The following IQCN variants were observed in gnomAD, a reference collection of about 807,000 sequenced individuals.
IQCN encodes IQ motif containing N, also known as IQ domain-containing protein N.
IQCN carries 46 observed loss-of-function variants against 64.4 expected under a neutral mutation model. The observed-to-expected ratio is 0.71, with a 90% CI of 0.56 to 0.91. The LOEUF is 0.91. Among genes scored for constraint, IQCN ranks in the 40% least tolerant of loss-of-function variants. The pLI is 0.00. For missense variants in IQCN, 1,753 were observed against 1,857.4 expected (o/e 0.94, Z 1.03); for synonymous variants, 733 against 775.6 (o/e 0.95, Z 0.91).
Position 18,264,586 on chromosome 19 carries a change from A to G in IQCN, c.2954T>C (p.Val985Ala), listed in dbSNP as rs773234007. 54 of 1,551,064 alleles carry G rather than the reference A, an allele frequency of 3.5e-5. No individual in the cohort carries two copies. Among genetic ancestry groups the G allele is most frequent in the Non-Finnish European group, 4.4e-5 (50 of 1,146,908 alleles). Residue 985 changes from valine (V) to alanine (A), a missense_variant, in exon 3 of 4, where the codon GTG becomes GCG. Transcript: ENST00000392413. The surrounding 1 kb of genome is among the most constrained non-coding windows in gnomAD (Gnocchi z 4.3). ...LSKALTEEEW[V>A]ALSQALCQGE... The stretch of plus-strand genomic sequence containing the variant: ...CTGACACAGGGCCTGGCTCAGAGCC[A>G]CCCACTCCTCCTCCGTCAAAGCCTT...
Position 18,257,403 on chromosome 19 carries a change from G to T in IQCN, c.3881C>A (p.Pro1294His). 1.9e-6 allele frequency: 3 copies of T among 1,610,718 alleles called. No individual in the cohort carries two copies. The highest frequency in any genetic ancestry group is 2.5e-6 in the Non-Finnish European group (3 of 1,179,560). The change falls in exon 4 of 4, where the codon CCC becomes CAC. Residue 1294 changes from proline to histidine, a missense_variant. Transcript: ENST00000392413. Reference sequence around the variant, plus strand: ...TTTGTCCTGGCGATGCGGCTGCCTGGGACTCAGGGCAGCCAGCTGGTAGGC... The same window carrying T: ...TTTGTCCTGGCGATGCGGCTGCCTGTGACTCAGGGCAGCCAGCTGGTAGGC... ...ASAYQLAALS[P>H]RQPHRQDKAA...
Position 18,266,718 on chromosome 19 carries a change from T to C in IQCN, c.822A>G (p.Ile274Met), listed in dbSNP as rs761817032. Residue 274 changes from isoleucine to methionine, a missense_variant, in exon 3 of 4, where the codon ATA (isoleucine) becomes ATG (methionine). Physicochemically the swap from Ile to Met is conservative, Grantham distance 10 (BLOSUM62 1). Coordinates refer to ENST00000392413, the MANE Select transcript of IQCN (RefSeq NM_001145304.2). This position sits in a 1 kb window ranked among gnomAD's most constrained non-coding sequence, Gnocchi z 4.3. Reference protein sequence around the residue: ...RTIRSTCLVHIEGDSVKTKRV... With the variant: ...RTIRSTCLVHMEGDSVKTKRV... ...GTTTGGTCTTCACTGAGTCACCCTC[T>C]ATGTGGACGAGGCAGGTGCTTCTGA... 9.3e-6 allele frequency: 15 copies of C among 1,614,026 alleles called. No homozygotes were observed. Among genetic ancestry groups the C allele is most frequent in the Non-Finnish European group, 1.2e-5 (14 of 1,180,032 alleles).
chr19:18,266,651 G>A lies in IQCN; in HGVS notation c.889C>T (p.Pro297Ser), dbSNP rs767028555. The stretch of plus-strand genomic sequence containing the variant: ...GCCTGGTCATACCTTCTGGACAATG[G>A]TGTCTCCGGAGCCCTGGCTTTGTTG... ...RTNKARAPET[P>S]LSRRYDQAVT... The change falls in exon 3 of 4, where the codon CCA becomes TCA. Residue 297 changes from proline to serine, a missense_variant. Transcript: ENST00000392413. This position sits in a 1 kb window ranked among gnomAD's most constrained non-coding sequence, Gnocchi z 4.3. 2 of 1,614,078 alleles carry A rather than the reference G, an allele frequency of 1.2e-6. No homozygotes were observed.
intron 1 of IQCN, among the ~76,000 whole-genome samples, chr19:18,270,313 A>T (rs1356505404): frequency 6.7e-6 from 1 of 150,280 alleles, no homozygotes; most frequent in Non-Finnish European, 1.5e-5. Context: ...GTGAGCTGAG[A>T]TCGTGCCATT....
chr19:18,265,460 C>G lies in IQCN; in HGVS notation c.2080G>C (p.Gly694Arg), dbSNP rs1969539505. The change falls in exon 3 of 4, where the codon GGA (glycine) becomes CGA (arginine). Residue 694 changes from glycine (G) to arginine (R), a missense_variant. Physicochemically the swap from Gly to Arg is moderately radical, Grantham distance 125. Transcript: ENST00000392413. The surrounding 1 kb of genome is among the most constrained non-coding windows in gnomAD (Gnocchi z 4.7). Reference sequence around the variant, plus strand: ...TTGGTCAGCTCAGTGGGCAGATGTCCCTGAGATGAGGCCTTGGTCAGCGGG... The same window carrying G: ...TTGGTCAGCTCAGTGGGCAGATGTCGCTGAGATGAGGCCTTGGTCAGCGGG... ...AAPLTKASSQGHLPTELTKTP... is the reference protein window; with the variant it reads ...AAPLTKASSQRHLPTELTKTP... The G allele has an allele frequency of 1.2e-6, 2 of 1,613,600 alleles. No homozygotes were observed. The highest frequency in any genetic ancestry group is 1.7e-6 in the Non-Finnish European group (2 of 1,179,640).
At position 18,264,560 on chromosome 19, in the gene IQCN, C is replaced by G. The variant is rs772077598; in HGVS notation, c.2980G>C (p.Gly994Arg). The change falls in exon 3 of 4, where the codon GGT becomes CGT. Residue 994 changes from glycine (G) to arginine (R), a missense_variant. By Grantham distance (125) the Gly-to-Arg change is moderately radical. Transcript: ENST00000392413. The surrounding 1 kb of genome is among the most constrained non-coding windows in gnomAD (Gnocchi z 4.3). ...WVALSQALCQ[G>R]ELGALLSQSW... ...TGGCTCAGGAGAGCACCCAGCTCAC[C>G]CTGACACAGGGCCTGGCTCAGAGCC... 1 of 1,551,410 alleles carries G rather than the reference C, an allele frequency of 6.4e-7. No homozygotes were observed. The highest frequency in any genetic ancestry group is 1.2e-5 in the South Asian group (1 of 84,052).
At chr19:18,262,486 C>T (rs1322599453) in intron 3 of IQCN, 1 of 152,596 alleles carries the variant, frequency 6.6e-6, no homozygotes, top group African/African-American at 2.4e-5. Flanking sequence ...TCCCCACTGT[C>T]CATAGATGGC....
At chr19:18,261,718 A>T (rs1969431731) in intron 3 of IQCN, 1 of 151,812 alleles carries the variant, frequency 6.6e-6, no homozygotes, top group African/African-American at 2.5e-5. Context: ...ACAGATGGGT[A>T]GGCTGAGCTT....
In IQCN at chr19:18,265,092, G is replaced by A. The variant is rs2148101947; in HGVS notation, c.2448C>T (p.Thr816=). The change falls in exon 3 of 4, where the codon ACC becomes ACT. Residue 816 remains threonine, a synonymous_variant. Transcript: ENST00000392413. This position sits in a 1 kb window ranked among gnomAD's most constrained non-coding sequence, Gnocchi z 4.7. ...CTGCCGGGCATGGTCCCCCCTGAGT[G>A]GTCTTCCCCGGCACGTGTCCGTGGG... The part of the protein sequence containing the change: ...PQPHGHVPGK[T]TQGGPCPAAC... 2 of 1,602,180 alleles carry A rather than the reference G, an allele frequency of 1.2e-6. No individual in the cohort carries two copies. Among genetic ancestry groups the A allele is most frequent in the Middle Eastern group, 1.6e-4 (1 of 6,062 alleles).
Position 18,269,533 on chromosome 19 carries a change from G to A in IQCN, c.-55C>T. On this transcript the variant is annotated 5_prime_UTR_variant, in exon 2 of 4. Coordinates refer to ENST00000392413, the MANE Select transcript of IQCN (RefSeq NM_001145304.2). Reference sequence around the variant, plus strand: ...TGCAATCTCAGAAGCCAGCCTGCAAGAGGAGGCAGCCTTCAGCCTTTCATC... The same window carrying A: ...TGCAATCTCAGAAGCCAGCCTGCAAAAGGAGGCAGCCTTCAGCCTTTCATC... 2 of 1,602,384 alleles carry A rather than the reference G, an allele frequency of 1.2e-6. No homozygotes were observed. Among genetic ancestry groups the A allele is most frequent in the Non-Finnish European group, 1.7e-6 (2 of 1,170,066 alleles).
chr19:18,271,587 C>T (rs1299888506), intron 1 of IQCN, among the ~76,000 whole-genome samples: 1 of 152,062 alleles, frequency 6.6e-6, no homozygotes, highest in Non-Finnish European at 1.5e-5. Flanking sequence ...AGTATGGTCC[C>T]GCCTAACAAG....
chr19:18,265,883 T>G lies in IQCN; in HGVS notation c.1657A>C (p.Lys553Gln). 1.2e-6 allele frequency: 2 copies of G among 1,614,066 alleles called. No individual in the cohort carries two copies. Among genetic ancestry groups the G allele is most frequent in the Non-Finnish European group, 8.5e-7 (1 of 1,179,996 alleles). ...TTCACATTCACGGTGGCCTTGGCCT[T>G]GGGTGGGTTCTCATGGATGGAGCCT... The part of the protein sequence containing the change: ...TSGSIHENPP[K>Q]AKATVNVKQA... Residue 553 changes from lysine (K) to glutamine (Q), a missense_variant, in exon 3 of 4, where the codon AAG (lysine) becomes CAG (glutamine). By Grantham distance (53) the Lys-to-Gln change is moderately conservative. Coordinates refer to ENST00000392413, the MANE Select transcript of IQCN (RefSeq NM_001145304.2). The surrounding 1 kb of genome is among the most constrained non-coding windows in gnomAD (Gnocchi z 4.7).
intron 1 of IQCN, among the ~76,000 whole-genome samples, chr19:18,271,617 G>T (rs1007205966): frequency 6.6e-6 from 1 of 152,088 alleles, no homozygotes; most frequent in Non-Finnish European, 1.5e-5. Flanking sequence ...ATAATTGCTG[G>T]ATCGGCCAAG....
intron 3 of IQCN, chr19:18,261,309 C>T (rs984116556): frequency 1.8e-4 from 28 of 152,864 alleles, no homozygotes; most frequent in African/African-American, 2.2e-4. Context: ...TGGAGACTCC[C>T]GAATGGCCAT....
rs777536671 is a variant in IQCN at position 18,266,391 on chromosome 19, C to T, written c.1149G>A (p.Pro383=). ...GTGCAGTTTTGGTCACTGTGGGCCC[C>T]GGATACATCTGGGCTGGGGTCTTGA... The part of the protein sequence containing the change: ...TIIKTPAQMY[P]GPTVTKTAPH... Residue 383 remains proline, a synonymous_variant, in exon 3 of 4, where the codon CCG becomes CCA. Transcript: ENST00000392413. This position sits in a 1 kb window ranked among gnomAD's most constrained non-coding sequence, Gnocchi z 4.3. 4.1e-5 allele frequency: 66 copies of T among 1,603,716 alleles called. No individual in the cohort carries two copies. Among genetic ancestry groups the T allele is most frequent in the Non-Finnish European group, 4.8e-5 (57 of 1,175,390 alleles).
rs986422479 is a variant in IQCN, at chr19:18,264,098, G to A, written c.3177+265C>T. 5.3e-5 allele frequency among the ~76,000 whole-genome samples: 8 copies of A among 152,272 alleles called. No individual in the cohort carries two copies. Among genetic ancestry groups the A allele is most frequent in the African/African-American group, 1.9e-4 (8 of 41,560 alleles). On this transcript the variant is annotated intron_variant, in intron 3 of 3. Coordinates refer to ENST00000392413, the MANE Select transcript of IQCN (RefSeq NM_001145304.2). The surrounding 1 kb of genome is among the most constrained non-coding windows in gnomAD (Gnocchi z 4.3). The stretch of plus-strand genomic sequence containing the variant: ...GGGTCGGGCATGCTTCTTCCTTTTG[G>A]AACTTGGGGCTCAAATCCAGGTTTG...
chr19:18,271,097 G>A (rs1040492087), intron 1 of IQCN, among the ~76,000 whole-genome samples: 1 of 148,476 alleles, frequency 6.7e-6, no homozygotes, highest in African/African-American at 2.5e-5. Context: ...ACTTGAACCC[G>A]AGAGATGGAG....
chr19:18,270,898 G>T (rs966068065), intron 1 of IQCN, among the ~76,000 whole-genome samples: 1 of 151,896 alleles, frequency 6.6e-6, no homozygotes, highest in African/African-American at 2.4e-5. Flanking sequence ...GGGAGGCCAG[G>T]CATGGTGGCT....
At position 18,264,276 on chromosome 19, in the gene IQCN, G is replaced by T; in HGVS notation, c.3177+87C>A. The stretch of plus-strand genomic sequence containing the variant: ...TAAGCAGGGTGACCCCCACAAGATG[G>T]CCCCATCAATCCCCCATCTCCTCCA... On this transcript the variant is annotated intron_variant, in intron 3 of 3. Transcript: ENST00000392413. The surrounding 1 kb of genome is among the most constrained non-coding windows in gnomAD (Gnocchi z 4.3). 1 of 1,164,328 alleles carries T rather than the reference G, an allele frequency of 8.6e-7. No individual in the cohort carries two copies. Among genetic ancestry groups the T allele is most frequent in the South Asian group, 1.6e-5 (1 of 61,114 alleles). The allele number at this position is 1,164,328 out of a possible 1,614,324, so 72.1% of individuals were successfully genotyped here.
Sources: allele counts gnomAD v4.1 joint callset (sites outside exome capture counted in the v4.1 genomes callset), GRCh38; gene constraint gnomAD v4.1.1; non-coding constraint Gnocchi (gnomAD v3.1); transcripts MANE v1.5; gene names NCBI Gene and HGNC (gene_info 2026-07-23, HGNC 2026-07-21).